SACM1L: variants seen among roughly 807,000 people sequenced by gnomAD.
The protein encoded by SACM1L is phosphatidylinositol-3-phosphatase SAC1.
SACM1L carries 32 observed loss-of-function variants against 89.5 expected under a neutral mutation model. That is an observed-to-expected ratio of 0.36 (90% CI 0.27 to 0.48). SACM1L has a LOEUF of 0.48. SACM1L is among the 20% of genes least tolerant of loss of function. The pLI is 0.99. For synonymous variants in SACM1L, 213 were observed against 232.8 expected, an observed-to-expected ratio of 0.92 and a Z score of 0.77; for missense variants, 543 against 708.5, an observed-to-expected ratio of 0.77 and a Z score of 2.65.
chr3:45,736,933 G>C (rs1461666102), intron 14 of SACM1L, among the ~76,000 whole-genome samples: 1 of 152,108 alleles, frequency 6.6e-6, no homozygotes, highest in Non-Finnish European at 1.5e-5. Context: ...GACTCCTTCT[G>C]AGGTGGAGAT....
chr3:45,707,609 A>T (rs1003801629), intron 4 of SACM1L, among the ~76,000 whole-genome samples: 1 of 152,252 alleles, frequency 6.6e-6, no homozygotes. Flanking sequence ...GACAGTAGGT[A>T]TGCAGCCAGA....
intron 4 of SACM1L, among the ~76,000 whole-genome samples, chr3:45,708,788 A>G (rs1479725754): frequency 1.3e-5 from 2 of 152,220 alleles, no homozygotes; most frequent in Non-Finnish European, 2.9e-5. Context: ...GATTTGTAAC[A>G]TGTAGATTAA....
chr3:45,731,912 C>A, intron 12 of SACM1L, 141 bp from the exon 13 acceptor site: 1 of 565,500 alleles, frequency 1.8e-6, no homozygotes, highest in Non-Finnish European at 3.2e-6. Flanking sequence ...TAGTGATAAA[C>A]CCAGAGTGAA....
intron 11 of SACM1L, among the ~76,000 whole-genome samples, chr3:45,729,253 A>AT (rs1418804242): frequency 1.1e-5 from 1 of 87,430 alleles, no homozygotes; most frequent in Admixed American, 1.4e-4. Context: ...CACCCAGCTA[A>AT]TTTTTTTATT....
At chr3:45,743,501 T>C in intron 19 of SACM1L, 32 bp from the exon 20 acceptor site, 2 of 1,587,622 alleles carry the variant, frequency 1.3e-6, no homozygotes, top group Non-Finnish European at 1.7e-6. Flanking sequence ...AACAAACGAC[T>C]TATTTAGCTT....
chr3:45,737,867 C>T (rs759472494), intron 16 of SACM1L, 23 bp downstream of exon 16: 2 of 1,587,158 alleles, frequency 1.3e-6, no homozygotes, highest in East Asian at 2.2e-5. Flanking sequence ...TTTAAAATAG[C>T]ATTCCACATC....
chr3:45,738,743 TCA>T lies in SACM1L; in HGVS notation c.1477-34_1477-33del, dbSNP rs755219797. On this transcript the variant is annotated intron_variant, in intron 17 of 19. Coordinates refer to ENST00000389061, the MANE Select transcript of SACM1L (RefSeq NM_014016.5). ...TGCATTGTTCATCACTAATGTTATC[TCA>T]CACTGAGTTTACGAATTTCTTCCTT... The T allele has an allele frequency of 2.6e-6, 4 of 1,535,980 alleles. No individual in the cohort carries two copies. The South Asian group carries it at 4.5e-5, about 17-fold the overall frequency.
At chr3:45,696,738 T>G (rs534312829) in intron 1 of SACM1L, among the ~76,000 whole-genome samples, 1 of 152,272 alleles carries the variant, frequency 6.6e-6, no homozygotes, top group African/African-American at 2.4e-5. Flanking sequence ...GTTTTACTCA[T>G]TGATTTGACA....
intron 2 of SACM1L, among the ~76,000 whole-genome samples, chr3:45,704,281 G>C (rs3774652): frequency 0.12 from 18,090 of 152,146 alleles, 1,092 homozygotes; most frequent in East Asian, 0.14. Context: ...AATAACCATA[G>C]AGTAGGCATT....
intron 1 of SACM1L, among the ~76,000 whole-genome samples, chr3:45,692,286 TCA>T (rs1182499809): frequency 6.6e-6 from 1 of 151,924 alleles, no homozygotes; most frequent in Non-Finnish European, 1.5e-5. Context: ...TGTTGATACT[TCA>T]CAGGATTATT....
At chr3:45,690,902 G>A (rs1304480378) in intron 1 of SACM1L, among the ~76,000 whole-genome samples, 1 of 150,230 alleles carries the variant, frequency 6.7e-6, no homozygotes, top group Non-Finnish European at 1.5e-5. Flanking sequence ...AGGGTTTAAT[G>A]TGATCCTACA....
intron 4 of SACM1L, 41 bp from the exon 5 acceptor site, chr3:45,709,457 C>T (rs1164147002): frequency 6.6e-7 from 1 of 1,522,286 alleles, no homozygotes; most frequent in Non-Finnish European, 8.9e-7. Flanking sequence ...TGGCAGATTC[C>T]TTTTCAATTA....
intron 14 of SACM1L, among the ~76,000 whole-genome samples, chr3:45,735,864 AT>A (rs1016622712): frequency 1.3e-5 from 2 of 149,856 alleles, no homozygotes; most frequent in East Asian, 1.9e-4. Context: ...TGATATTTTA[AT>A]TTTTTTTTTG....
intron 1 of SACM1L, among the ~76,000 whole-genome samples, chr3:45,690,855 T>C (rs1287286019): frequency 6.6e-6 from 1 of 152,224 alleles, no homozygotes; most frequent in Non-Finnish European, 1.5e-5. Context: ...TGTGCTCTGC[T>C]AGCTAATTAG....
At chr3:45,708,286 G>T (rs982957527) in intron 4 of SACM1L, among the ~76,000 whole-genome samples, 1 of 152,030 alleles carries the variant, frequency 6.6e-6, no homozygotes, top group Non-Finnish European at 1.5e-5. Flanking sequence ...TACATGAATG[G>T]CATTGCCCTG....
chr3:45,705,031 T>C (rs533206695), intron 2 of SACM1L, 104 bp from the exon 3 acceptor site: 3 of 682,368 alleles, frequency 4.4e-6, no homozygotes, highest in South Asian at 1.8e-5. Flanking sequence ...GAACAAATCA[T>C]GCAAATTGAT....
At chr3:45,734,883 A>G in intron 13 of SACM1L, 1 of 179,020 alleles carries the variant, frequency 5.6e-6, no homozygotes, top group Non-Finnish European at 1.2e-5. Context: ...CCTGACATCT[A>G]GGGATATAGT....
intron 7 of SACM1L, among the ~76,000 whole-genome samples, chr3:45,716,208 G>A (rs560132266): frequency 2.0e-5 from 3 of 152,118 alleles, no homozygotes; most frequent in African/African-American, 7.2e-5. Flanking sequence ...GCATAGTGGC[G>A]CATGTCTGTA....
chr3:45,719,585 G>A lies in SACM1L; in HGVS notation c.663G>A (p.Val221=). 1.2e-6 allele frequency: 2 copies of A among 1,609,024 alleles called. No homozygotes were observed. Among genetic ancestry groups the A allele is most frequent in the Non-Finnish European group, 1.7e-6 (2 of 1,177,120 alleles). ...ISRRSCFRAG[V]RYYVRGIDSE... Reference sequence around the variant, plus strand: ...GGAGGAGCTGTTTCAGAGCTGGTGTGCGCTATTATGTAAGAGGTGAGAATT... The same window carrying A: ...GGAGGAGCTGTTTCAGAGCTGGTGTACGCTATTATGTAAGAGGTGAGAATT... Residue 221 remains valine, a synonymous_variant, in exon 8 of 20, where the codon GTG becomes GTA. Transcript: ENST00000389061.
Sources: allele counts gnomAD v4.1 joint callset (sites outside exome capture counted in the v4.1 genomes callset), GRCh38; gene constraint gnomAD v4.1.1; transcripts MANE v1.5; gene names NCBI Gene and HGNC (gene_info 2026-07-23, HGNC 2026-07-21).